Variants in ZNF521 observed in about 807,000 individuals in gnomAD.
ZNF521 encodes the protein zinc finger protein 521.
ZNF521 carries 14 observed loss-of-function variants against 105.5 expected under a neutral mutation model. That is an observed-to-expected ratio of 0.13 (90% CI 0.09 to 0.21). The LOEUF is 0.21. Among genes scored for constraint, ZNF521 ranks in the 10% least tolerant of loss-of-function variants. The pLI is 1.00. For synonymous variants in ZNF521, 635 were observed against 606.0 expected, an observed-to-expected ratio of 1.05 and a Z score of -0.70; for missense variants, 1,233 against 1,629.7, an observed-to-expected ratio of 0.76 and a Z score of 4.19.
At chr18:25,321,719 C>A (rs955690307) in intron 3 of ZNF521, among the ~76,000 whole-genome samples, 12 of 152,090 alleles carry the variant, frequency 7.9e-5, no homozygotes, top group African/African-American at 2.7e-4. Flanking sequence ...TATTAGTCAT[C>A]CAATATTCAT....
intron 5 of ZNF521, among the ~76,000 whole-genome samples, chr18:25,178,925 T>C (rs1286192049): frequency 6.6e-6 from 1 of 152,078 alleles, no homozygotes; most frequent in Non-Finnish European, 1.5e-5. Flanking sequence ...TTTCTCTCCG[T>C]ACACTAATGC....
At position 25,339,696 on chromosome 18, in the gene ZNF521, G is replaced by C. The variant is rs184274414; in HGVS notation, c.40+11211C>G. On this transcript the variant is annotated intron_variant, in intron 2 of 7. Coordinates refer to ENST00000361524, the MANE Select transcript of ZNF521 (RefSeq NM_015461.3). Reference sequence around the variant, plus strand: ...TTTGTTTGTCTACATTGTAGGTTACGGGGATTCAAAGAAAAGGGACACCAA... The same window carrying C: ...TTTGTTTGTCTACATTGTAGGTTACCGGGATTCAAAGAAAAGGGACACCAA... Among the ~76,000 whole-genome samples, 6 of 152,202 alleles carry C rather than the reference G, an allele frequency of 3.9e-5. No individual in the cohort carries two copies. In the East Asian group the frequency reaches 1.2e-3, roughly 29 times the overall value.
chr18:25,162,045 C>G (rs1567988628), intron 5 of ZNF521, among the ~76,000 whole-genome samples: 1 of 152,152 alleles, frequency 6.6e-6, no homozygotes, highest in Non-Finnish European at 1.5e-5. Context: ...ATTTAAATCT[C>G]CTCTGTGACT....
intron 4 of ZNF521, among the ~76,000 whole-genome samples, chr18:25,207,876 TA>T (rs1190925910): frequency 6.6e-6 from 1 of 152,018 alleles, no homozygotes; most frequent in Admixed American, 6.6e-5. Flanking sequence ...ATTCTCCAAA[TA>T]AAAAAAGTCT....
rs150027820 is a variant in ZNF521 at position 25,182,041 on chromosome 18, T to C, written c.3658+13119A>G. Among the ~76,000 whole-genome samples the C allele has an allele frequency of 1.4e-3, 206 of 152,322 alleles. No homozygotes were observed. The East Asian group carries it at 0.035, about 26-fold the overall frequency. ...GAGATACAGTTACCTCTTATTTATT[T>C]ATTTATTATTATTATATTTTGCATT... On this transcript the variant is annotated intron_variant, in intron 5 of 7. Coordinates refer to ENST00000361524, the MANE Select transcript of ZNF521 (RefSeq NM_015461.3).
At chr18:25,101,825 G>A (rs1327195212) in intron 5 of ZNF521, among the ~76,000 whole-genome samples, 1 of 152,144 alleles carries the variant, frequency 6.6e-6, no homozygotes, top group Admixed American at 6.6e-5. Context: ...TGGATAGAAT[G>A]CTGGTAATTT....
intron 2 of ZNF521, among the ~76,000 whole-genome samples, chr18:25,341,936 C>A (rs942241619): frequency 2.6e-5 from 4 of 152,088 alleles, no homozygotes; most frequent in African/African-American, 9.7e-5. Context: ...GCATCAAAAA[C>A]CAAAACACAA....
At chr18:25,066,657 C>A (rs2033069286) in intron 7 of ZNF521, among the ~76,000 whole-genome samples, 1 of 152,134 alleles carries the variant, frequency 6.6e-6, no homozygotes, top group South Asian at 2.1e-4. Flanking sequence ...AGCAGAAGCG[C>A]CAAGCAAAGA....
intron 3 of ZNF521, among the ~76,000 whole-genome samples, chr18:25,265,680 T>A (rs181711260): frequency 6.6e-6 from 1 of 152,122 alleles, no homozygotes; most frequent in Non-Finnish European, 1.5e-5. Flanking sequence ...CCCTATCCCA[T>A]TGCGGGGCAT....
chr18:25,063,584 G>A (rs117123216), intron 7 of ZNF521, among the ~76,000 whole-genome samples: 5,826 of 152,258 alleles, frequency 0.038, 177 homozygotes, highest in Non-Finnish European at 0.055. Flanking sequence ...GGTGGACGCC[G>A]GGTGGGAAAG....
intron 2 of ZNF521, among the ~76,000 whole-genome samples, chr18:25,335,028 C>T (rs1403502076): frequency 6.6e-6 from 1 of 152,130 alleles, no homozygotes; most frequent in Non-Finnish European, 1.5e-5. Context: ...ACAGGTCCAC[C>T]AGGCAGCGGG....
chr18:25,188,236 T>C (rs1292120500), intron 5 of ZNF521, among the ~76,000 whole-genome samples: 3 of 152,132 alleles, frequency 2.0e-5, no homozygotes, highest in Non-Finnish European at 4.4e-5. Context: ...TCTTGGCAGG[T>C]AGCTACTGCT....
intron 3 of ZNF521, among the ~76,000 whole-genome samples, chr18:25,232,012 C>T (rs767588967): frequency 1.3e-5 from 2 of 152,168 alleles, no homozygotes; most frequent in African/African-American, 4.8e-5. Context: ...CAGCAGAGTA[C>T]CCTCTTAACT....
intron 5 of ZNF521, among the ~76,000 whole-genome samples, 178 bp downstream of exon 5, chr18:25,194,982 G>A (rs1292126511): frequency 1.3e-5 from 2 of 151,288 alleles, no homozygotes; most frequent in African/African-American, 4.8e-5. Context: ...AGCCCTTGCA[G>A]AAAATAAAAT....
At chr18:25,205,242 T>G (rs2036060929) in intron 4 of ZNF521, among the ~76,000 whole-genome samples, 2 of 151,554 alleles carry the variant, frequency 1.3e-5, no homozygotes, top group South Asian at 4.2e-4. Context: ...ATGGCTATAC[T>G]ATTTTGTTAG....
intron 5 of ZNF521, among the ~76,000 whole-genome samples, chr18:25,095,348 T>C (rs2033829824): frequency 6.6e-6 from 1 of 152,142 alleles, no homozygotes; most frequent in Non-Finnish European, 1.5e-5. Flanking sequence ...TTCTGCTCTC[T>C]GGAAAGGTAG....
chr18:25,143,641 A>T (rs946348919), intron 5 of ZNF521, among the ~76,000 whole-genome samples: 4 of 152,172 alleles, frequency 2.6e-5, no homozygotes, highest in African/African-American at 7.2e-5. Flanking sequence ...GCTAAGTAAC[A>T]AAAATACAAA....
intron 7 of ZNF521, among the ~76,000 whole-genome samples, chr18:25,069,915 G>T (rs572742541): frequency 2.0e-4 from 31 of 152,128 alleles, no homozygotes; most frequent in Non-Finnish European, 4.3e-4. Flanking sequence ...GATCATGTTT[G>T]CACTGACAGA....
At chr18:25,173,790 T>G (rs549975926) in intron 5 of ZNF521, among the ~76,000 whole-genome samples, 1 of 152,204 alleles carries the variant, frequency 6.6e-6, no homozygotes, top group Non-Finnish European at 1.5e-5. Flanking sequence ...GCTATTTCTT[T>G]AACACAGAAC....
Sources: allele counts gnomAD v4.1 joint callset (sites outside exome capture counted in the v4.1 genomes callset), GRCh38; gene constraint gnomAD v4.1.1; transcripts MANE v1.5; gene names NCBI Gene and HGNC (gene_info 2026-07-23, HGNC 2026-07-21).